Variants in RNF130 observed in about 807,000 individuals in gnomAD.
RNF130 encodes the protein E3 ubiquitin-protein ligase RNF130.
In RNF130, 21 loss-of-function variants were observed where a neutral mutation model predicts 44.6. The ratio of observed to expected loss-of-function variants is 0.47; its 90% CI spans 0.33 to 0.68. RNF130 has a LOEUF of 0.68. Among genes scored for constraint, RNF130 ranks in the 30% least tolerant of loss-of-function variants. The probability of loss-of-function intolerance (pLI) is 0.02; values close to 1 mark genes in which losing one functional copy is unlikely to be tolerated. For missense variants in RNF130, 479 were observed against 560.6 expected, an observed-to-expected ratio of 0.85 and a Z score of 1.47; for synonymous variants, 214 against 210.4, an observed-to-expected ratio of 1.02 and a Z score of -0.15.
intron 2 of RNF130, among the ~76,000 whole-genome samples, chr5:180,016,095 G>C (rs565256388): frequency 1.4e-4 from 21 of 152,168 alleles, no homozygotes; most frequent in Non-Finnish European, 2.9e-4. Flanking sequence ...CCGGGCAGAG[G>C]AGCCCGACCC....
intron 5 of RNF130, among the ~76,000 whole-genome samples, chr5:179,972,581 A>T (rs2113709550): frequency 6.9e-6 from 1 of 145,422 alleles, no homozygotes; most frequent in East Asian, 2.1e-4. Flanking sequence ...CAGGAGTGAG[A>T]GGTATCCAGA....
chr5:179,948,727 T>C (rs248330), intron 7 of RNF130, among the ~76,000 whole-genome samples: 105,716 of 152,006 alleles, frequency 0.7, 37,911 homozygotes, highest in African/African-American at 0.86. Context: ...TTGGCATAAC[T>C]AAATAATTTG....
exon 8 of RNF130, chr5:179,913,712 A>G (rs1761501356): frequency 6.6e-6 from 1 of 152,204 alleles, no homozygotes; most frequent in Non-Finnish European, 1.5e-5. Context: ...AAGAGGGTGA[A>G]CCTTTAACAA....
chr5:180,040,346 A>G (rs1339892088), intron 2 of RNF130, 107 bp downstream of exon 2: 7 of 1,030,772 alleles, frequency 6.8e-6, no homozygotes, highest in Middle Eastern at 6.5e-4. Context: ...CAATACTAAT[A>G]GGATTATGTT....
chr5:180,065,934 C>T (rs1765096787), intron 1 of RNF130, among the ~76,000 whole-genome samples: 1 of 151,980 alleles, frequency 6.6e-6, no homozygotes, highest in Non-Finnish European at 1.5e-5. Flanking sequence ...TCAAATCTAT[C>T]AAGAAAAGAT....
intron 1 of RNF130, among the ~76,000 whole-genome samples, chr5:180,067,169 G>C (rs1401441506): frequency 6.6e-6 from 1 of 152,238 alleles, no homozygotes; most frequent in Non-Finnish European, 1.5e-5. Flanking sequence ...GTCAGTGAGA[G>C]CTCACAAGCT....
At position 179,972,238 on chromosome 5, in the gene RNF130, A is replaced by C. The variant is rs1440883654; in HGVS notation, c.849-1732T>G. ...GACCAACAAAGACCACAACAGGCTTAACCCTTTTGGGGCATACAAACTCCC... is the reference window on the plus strand; with the variant it reads ...GACCAACAAAGACCACAACAGGCTTCACCCTTTTGGGGCATACAAACTCCC... On this transcript the variant is annotated intron_variant, in intron 5 of 8. Coordinates refer to ENST00000521389, the MANE Select transcript of RNF130 (RefSeq NM_018434.6). Among the ~76,000 whole-genome samples, 3 of 152,338 alleles carry C rather than the reference A, an allele frequency of 2.0e-5. No individual in the cohort carries two copies. The East Asian group carries it at 5.8e-4, about 29-fold the overall frequency.
chr5:179,919,806 C>T (rs1434927488), exon 8 of RNF130: 4 of 152,806 alleles, frequency 2.6e-5, no homozygotes, highest in Admixed American at 1.9e-4. Flanking sequence ...CTTCTCTCAA[C>T]CCCCTTTAGA....
intron 3 of RNF130, among the ~76,000 whole-genome samples, chr5:179,987,074 T>C (rs948094583): frequency 1.3e-5 from 2 of 152,204 alleles, no homozygotes; most frequent in Non-Finnish European, 2.9e-5. Flanking sequence ...TTTCTACATA[T>C]GGTCACATAA....
intron 3 of RNF130, among the ~76,000 whole-genome samples, chr5:180,010,327 G>C (rs1304490976): frequency 6.7e-6 from 1 of 150,068 alleles, no homozygotes; most frequent in African/African-American, 2.4e-5. Context: ...AACTCTAGAG[G>C]TTACATACTA....
chr5:179,921,040 T>G (rs2113669720), intron 7 of RNF130, among the ~76,000 whole-genome samples: 1 of 152,298 alleles, frequency 6.6e-6, no homozygotes, highest in South Asian at 2.1e-4. Context: ...CATAGTTACA[T>G]TATTTGACTA....
chr5:179,997,696 G>A (rs1763237394), intron 3 of RNF130, among the ~76,000 whole-genome samples: 1 of 152,026 alleles, frequency 6.6e-6, no homozygotes, highest in Non-Finnish European at 1.5e-5. Context: ...TGAACTCCTG[G>A]ACTCAAGCAA....
At chr5:179,946,554 A>ATTTTT (rs397701505) in intron 7 of RNF130, among the ~76,000 whole-genome samples, 1 of 140,702 alleles carries the variant, frequency 7.1e-6, no homozygotes, top group African/African-American at 2.6e-5. Context: ...CCCACCGGGG[A>ATTTTT]TTTTTTTTTT....
intron 3 of RNF130, among the ~76,000 whole-genome samples, chr5:179,994,246 A>T (rs1189197111): frequency 6.6e-6 from 1 of 152,198 alleles, no homozygotes; most frequent in African/African-American, 2.4e-5. Flanking sequence ...CAATTCTATG[A>T]AGAAAGTCAT....
intron 7 of RNF130, among the ~76,000 whole-genome samples, chr5:179,936,893 C>T (rs1761897083): frequency 6.6e-6 from 1 of 152,162 alleles, no homozygotes; most frequent in Non-Finnish European, 1.5e-5. Context: ...ATTGAGAAAA[C>T]TGGATATCCA....
At chr5:180,058,572 T>C (rs1764893025) in intron 1 of RNF130, among the ~76,000 whole-genome samples, 1 of 152,160 alleles carries the variant, frequency 6.6e-6, no homozygotes, top group East Asian at 1.9e-4. Flanking sequence ...TTTTTTATTT[T>C]TGAGATGGAG....
At chr5:180,005,198 C>T (rs1334237001) in intron 3 of RNF130, among the ~76,000 whole-genome samples, 1 of 152,120 alleles carries the variant, frequency 6.6e-6, no homozygotes, top group African/African-American at 2.4e-5. Context: ...GAGGCCGAGG[C>T]GGGTGGATCA....
chr5:180,008,422 A>T (rs1381040896), intron 3 of RNF130, among the ~76,000 whole-genome samples: 1 of 152,186 alleles, frequency 6.6e-6, no homozygotes, highest in Admixed American at 6.5e-5. Context: ...CCCAGAGAAC[A>T]TGCCACCCAA....
exon 8 of RNF130, chr5:179,920,024 A>G (rs1348281533): frequency 2.8e-6 from 1 of 355,954 alleles, no homozygotes; most frequent in African/African-American, 2.0e-5. Flanking sequence ...GCAATGCAAC[A>G]TTAATCCTGG....
Sources: allele counts gnomAD v4.1 joint callset (sites outside exome capture counted in the v4.1 genomes callset), GRCh38; gene constraint gnomAD v4.1.1; transcripts MANE v1.5; gene names NCBI Gene and HGNC (gene_info 2026-07-23, HGNC 2026-07-21).